CEACAM16: variants seen among roughly 807,000 people sequenced by gnomAD.
CEACAM16 encodes CEA cell adhesion molecule 16, tectorial membrane component.
Under a neutral mutation model 39.4 loss-of-function variants are expected in CEACAM16, and 30 were observed. The observed-to-expected ratio is 0.76, with a 90% CI of 0.57 to 1.03. The LOEUF is 1.03. CEACAM16 is among the 50% of genes least tolerant of loss of function. CEACAM16 has a pLI of 0.00. For synonymous variants in CEACAM16, 262 were observed against 264.9 expected (o/e 0.99, Z 0.11); for missense variants, 521 against 585.3 (o/e 0.89, Z 1.13).
rs561412468 is a variant in CEACAM16 at position 44,710,589 on chromosome 19, C to A, written c.*83C>A. 3.5e-5 allele frequency: 55 copies of A among 1,551,604 alleles called. No individual in the cohort carries two copies. Among genetic ancestry groups the A allele is most frequent in the Non-Finnish European group, 4.7e-5 (53 of 1,123,638 alleles). On this transcript the variant is annotated 3_prime_UTR_variant, in exon 7 of 7. Transcript: ENST00000587331. ...CGCCCTCTGAGTGGGAACCACTCCC[C>A]CACAGCGAGGATGCCAGGCTGTGGT...
chr19:44,703,257 G>C, intron 2 of CEACAM16, 92 bp from the exon 3 acceptor site: 1 of 1,176,874 alleles, frequency 8.5e-7, no homozygotes, highest in Non-Finnish European at 1.2e-6. Flanking sequence ...CACTGGGCTG[G>C]GGACATGCCC....
At position 44,705,800 on chromosome 19, in the gene CEACAM16, A is replaced by C; in HGVS notation, c.872A>C (p.Tyr291Ser). ...SSMTAAQEGT[Y>S]TCIAKNTKTL... The stretch of plus-strand genomic sequence containing the variant: ...ATGACAGCCGCCCAGGAGGGGACGT[A>C]CACATGTATTGCGAAGAACACCAAG... The change falls in exon 5 of 7, where the codon TAC becomes TCC. Residue 291 changes from tyrosine (Y) to serine (S), a missense_variant. Physicochemically the swap from Tyr to Ser is moderately radical, Grantham distance 144 (BLOSUM62 -2). Transcript: ENST00000587331. 6.2e-7 allele frequency: 1 copy of C among 1,614,014 alleles called. No individual in the cohort carries two copies. Among genetic ancestry groups the C allele is most frequent in the South Asian group, 1.1e-5 (1 of 91,086 alleles).
At chr19:44,707,291 A>G (rs945734101) in intron 5 of CEACAM16, among the ~76,000 whole-genome samples, 6 of 152,244 alleles carry the variant, frequency 3.9e-5, no homozygotes, top group South Asian at 2.1e-4. Context: ...AGGGTCCCCA[A>G]CTTGATTGGA....
At chr19:44,707,657 T>C (rs1168123583) in intron 5 of CEACAM16, among the ~76,000 whole-genome samples, 1 of 152,124 alleles carries the variant, frequency 6.6e-6, no homozygotes, top group Non-Finnish European at 1.5e-5. Context: ...TGTAGTCTGA[T>C]AGGGGAAACA....
At chr19:44,705,477 C>A in intron 4 of CEACAM16, 113 bp from the exon 5 acceptor site, 1 of 1,135,704 alleles carries the variant, frequency 8.8e-7, no homozygotes, top group Non-Finnish European at 1.2e-6. Context: ...TTTTCCCCTC[C>A]ACTAGGCCAA....
Position 44,704,328 on chromosome 19 carries a change from A to G in CEACAM16, c.661+32A>G, listed in dbSNP as rs933184782. 2.7e-6 allele frequency: 4 copies of G among 1,466,112 alleles called. No individual in the cohort carries two copies. In the African/African-American group the frequency reaches 5.6e-5, roughly 21 times the overall value. 90.8% of individuals were successfully genotyped at this position (1,466,112 alleles called of 1,614,324 possible). A position where few individuals can be genotyped will look rare whatever the true frequency, so the allele number is the denominator to read the frequency against. On this transcript the variant is annotated intron_variant, in intron 4 of 6. Transcript: ENST00000587331. ...CCTCCTGGCCCCACTGGAGATACCC[A>G]GTGTCCAAACCTCATGGATGGGGAA...
intron 4 of CEACAM16, among the ~76,000 whole-genome samples, 154 bp downstream of exon 4, chr19:44,704,450 G>A (rs142719234): frequency 4.6e-5 from 7 of 152,228 alleles, no homozygotes; most frequent in Non-Finnish European, 5.9e-5. Flanking sequence ...ACTTGCCCTC[G>A]CCAGGTGCAG....
chr19:44,700,517 G>A (rs1378404815), intron 1 of CEACAM16, among the ~76,000 whole-genome samples: 1 of 152,196 alleles, frequency 6.6e-6, no homozygotes, highest in South Asian at 2.1e-4. Context: ...GACCTCAAAT[G>A]ATCCGCCTGC....
chr19:44,699,416 T>C (rs369326997), intron 1 of CEACAM16, 156 bp downstream of exon 1: 146 of 475,770 alleles, frequency 3.1e-4, no homozygotes, highest in African/African-American at 2.7e-3. Flanking sequence ...AGTGGAACTA[T>C]GTCCAGAGCC....
chr19:44,706,297 C>CACACACACACACACACACAT (rs1441436923), intron 5 of CEACAM16, among the ~76,000 whole-genome samples: 68 of 125,180 alleles, frequency 5.4e-4, no homozygotes, highest in African/African-American at 7.3e-4. Flanking sequence ...CACACACACA[C>CACACACACACACACACACAT]ACACACACAC....
chr19:44,710,596 G>C lies in CEACAM16; in HGVS notation c.*90G>C, dbSNP rs369172258. On this transcript the variant is annotated 3_prime_UTR_variant, in exon 7 of 7. Transcript: ENST00000587331. Reference sequence around the variant, plus strand: ...TGAGTGGGAACCACTCCCCCACAGCGAGGATGCCAGGCTGTGGTCCTGCTG... The same window carrying C: ...TGAGTGGGAACCACTCCCCCACAGCCAGGATGCCAGGCTGTGGTCCTGCTG... 1 of 1,549,620 alleles carries C rather than the reference G, an allele frequency of 6.5e-7. No individual in the cohort carries two copies. The highest frequency in any genetic ancestry group is 2.2e-5 in the East Asian group (1 of 44,508).
chr19:44,703,608 G>T lies in CEACAM16; in HGVS notation c.297G>T (p.Leu99=). Residue 99 remains leucine (L), a synonymous_variant, in exon 3 of 7, where the codon CTG becomes CTT. Coordinates refer to ENST00000587331, the MANE Select transcript of CEACAM16 (RefSeq NM_001039213.4). ...GCAGCCTGGACATCCAGGGCATCCT[G>T]CCCCGGCACTCAGGCACCTACATCC... ...PDGSLDIQGI[L]PRHSGTYILQ... is the part of the protein sequence containing the mutation. 6.2e-7 allele frequency: 1 copy of T among 1,609,518 alleles called. No individual in the cohort carries two copies. The highest frequency in any genetic ancestry group is 8.5e-7 in the Non-Finnish European group (1 of 1,177,944).
Position 44,703,571 on chromosome 19 carries a change from T to C in CEACAM16, c.260T>C (p.Val87Ala). ...PGPAHTGREA[V>A]RPDGSLDIQG... ...CCGGCCCACACGGGGCGGGAGGCTG[T>C]GCGCCCCGATGGCAGCCTGGACATC... Residue 87 changes from valine to alanine, a missense_variant, in exon 3 of 7, where the codon GTG (valine) becomes GCG (alanine). Transcript: ENST00000587331. 1.2e-6 allele frequency: 2 copies of C among 1,610,890 alleles called. No individual in the cohort carries two copies. The highest frequency in any genetic ancestry group is 1.7e-6 in the Non-Finnish European group (2 of 1,179,104).
At chr19:44,699,625 C>A (rs1974312569) in intron 1 of CEACAM16, among the ~76,000 whole-genome samples, 1 of 152,088 alleles carries the variant, frequency 6.6e-6, no homozygotes, top group African/African-American at 2.4e-5. Flanking sequence ...GATCCACCCA[C>A]CTCGGCCTCC....
intron 4 of CEACAM16, 57 bp downstream of exon 4, chr19:44,704,353 A>T: frequency 3.5e-6 from 5 of 1,439,186 alleles, no homozygotes; most frequent in Non-Finnish European, 4.6e-6. Flanking sequence ...TGGATGGGGA[A>T]ACTGAGGCCA....
intron 5 of CEACAM16, among the ~76,000 whole-genome samples, chr19:44,707,090 G>A (rs1974461618): frequency 6.6e-6 from 1 of 152,186 alleles, no homozygotes; most frequent in African/African-American, 2.4e-5. Flanking sequence ...AGGAGACACA[G>A]TCTGCACTTG....
At chr19:44,706,297 C>G (rs145556285) in intron 5 of CEACAM16, among the ~76,000 whole-genome samples, 1 of 125,082 alleles carries the variant, frequency 8.0e-6, no homozygotes, top group African/African-American at 3.2e-5. Flanking sequence ...CACACACACA[C>G]ACACACACAC....
intron 6 of CEACAM16, 74 bp from the exon 7 acceptor site, chr19:44,710,422 G>A (rs1808929423): frequency 1.9e-6 from 3 of 1,549,004 alleles, no homozygotes; most frequent in African/African-American, 2.7e-5. Flanking sequence ...AGCAGAAGGG[G>A]TGGGGGCACT....
At position 44,704,153 on chromosome 19, in the gene CEACAM16, T is replaced by C. The variant is rs1212431296; in HGVS notation, c.518T>C (p.Val173Ala). The C allele has an allele frequency of 1.9e-6, 3 of 1,590,146 alleles. No individual in the cohort carries two copies. The Admixed American group carries it at 5.3e-5, about 28-fold the overall frequency. Reference protein sequence around the residue: ...RWFFNGGALPVALRLGLSPDG... With the variant: ...RWFFNGGALPAALRLGLSPDG... The stretch of plus-strand genomic sequence containing the variant: ...TTCTTCAACGGTGGGGCCCTGCCCG[T>C]CGCTCTCCGCCTGGGCCTGTCCCCT... The change falls in exon 4 of 7, where the codon GTC becomes GCC. Residue 173 changes from valine to alanine, a missense_variant. Val to Ala is a moderately conservative substitution (Grantham distance 64). Coordinates refer to ENST00000587331, the MANE Select transcript of CEACAM16 (RefSeq NM_001039213.4).
Sources: allele counts gnomAD v4.1 joint callset (sites outside exome capture counted in the v4.1 genomes callset), GRCh38; gene constraint gnomAD v4.1.1; transcripts MANE v1.5; gene names NCBI Gene and HGNC (gene_info 2026-07-23, HGNC 2026-07-21).